Variants in PRKG1 observed in about 807,000 individuals in gnomAD.
PRKG1 encodes the protein cGMP-dependent protein kinase 1.
Under a neutral mutation model 88.1 loss-of-function variants are expected in PRKG1, and 35 were observed. That is an observed-to-expected ratio of 0.40 (90% CI 0.30 to 0.53). The LOEUF is 0.53. Among genes scored for constraint, PRKG1 ranks in the 20% least tolerant of loss-of-function variants. The pLI, the probability that PRKG1 is intolerant of heterozygous loss-of-function variation, is 0.59. For synonymous variants in PRKG1, 303 were observed against 292.5 expected (o/e 1.04, Z -0.37); for missense variants, 540 against 839.8 (o/e 0.64, Z 4.41).
chr10:51,539,367 A>G (rs1415666681), intron 3 of PRKG1, among the ~76,000 whole-genome samples: 2 of 152,214 alleles, frequency 1.3e-5, no homozygotes, highest in Admixed American at 1.3e-4. Context: ...CCATCTTAAC[A>G]AAAAGCAATT....
chr10:52,172,161 C>A (rs1309663000), intron 9 of PRKG1, among the ~76,000 whole-genome samples: 1 of 152,222 alleles, frequency 6.6e-6, no homozygotes, highest in African/African-American at 2.4e-5. Context: ...CAGCGCTTAT[C>A]TTTGAGACTC....
chr10:51,813,708 C>T (rs1446617745), intron 4 of PRKG1, among the ~76,000 whole-genome samples: 1 of 152,138 alleles, frequency 6.6e-6, no homozygotes, highest in East Asian at 1.9e-4. Context: ...AGTCCCTGCA[C>T]ATTGCTGTCC....
At chr10:51,286,782 C>CTTA (rs1840452176) in intron 2 of PRKG1, among the ~76,000 whole-genome samples, 2 of 152,174 alleles carry the variant, frequency 1.3e-5, no homozygotes, top group Admixed American at 1.3e-4. Flanking sequence ...AACACTAGAA[C>CTTA]TTATTCCTCC....
At chr10:51,670,066 G>A (rs181379439) in intron 3 of PRKG1, among the ~76,000 whole-genome samples, 46 of 152,212 alleles carry the variant, frequency 3.0e-4, no homozygotes, top group African/African-American at 1.0e-3. Flanking sequence ...ATGTGAATGA[G>A]TTTAAACTTG....
chr10:51,198,742 C>T (rs916452253), intron 2 of PRKG1, among the ~76,000 whole-genome samples: 14 of 152,114 alleles, frequency 9.2e-5, no homozygotes, highest in African/African-American at 3.1e-4. Flanking sequence ...AGCTATTTGA[C>T]AAGACTATCC....
chr10:52,151,641 A>T (rs2132668970), intron 8 of PRKG1, among the ~76,000 whole-genome samples: 2 of 152,314 alleles, frequency 1.3e-5, no homozygotes, highest in African/African-American at 4.8e-5. Context: ...ACTTAAAATA[A>T]TTGTCCAGCC....
At chr10:51,699,692 G>A in intron 3 of PRKG1, 1 of 872,606 alleles carries the variant, frequency 1.1e-6, no homozygotes, top group Non-Finnish European at 1.8e-6. Context: ...CCGCTTGCCT[G>A]TGGAACCTGC....
intron 4 of PRKG1, among the ~76,000 whole-genome samples, chr10:51,902,343 C>T (rs887777471): frequency 8.6e-5 from 13 of 151,888 alleles, no homozygotes; most frequent in South Asian, 4.1e-4. Context: ...CTTGAACTCC[C>T]GACCTCAGGT....
At chr10:52,175,496 T>G (rs1006655882) in intron 9 of PRKG1, among the ~76,000 whole-genome samples, 1 of 152,112 alleles carries the variant, frequency 6.6e-6, no homozygotes, top group East Asian at 1.9e-4. Flanking sequence ...TTCCTTTTCT[T>G]TGGTTAAATG....
intron 2 of PRKG1, among the ~76,000 whole-genome samples, chr10:51,289,353 A>G (rs1374873103): frequency 6.6e-6 from 1 of 152,264 alleles, no homozygotes; most frequent in South Asian, 2.1e-4. Context: ...TAAGGCTACT[A>G]TTGCTACTAG....
chr10:52,264,335 C>G (rs892285798), intron 10 of PRKG1, among the ~76,000 whole-genome samples: 1 of 152,044 alleles, frequency 6.6e-6, no homozygotes, highest in Admixed American at 6.6e-5. Flanking sequence ...CCCGGTTAAT[C>G]TAATAGGATA....
At chr10:51,940,953 A>G (rs1014461347) in intron 5 of PRKG1, among the ~76,000 whole-genome samples, 3 of 151,936 alleles carry the variant, frequency 2.0e-5, no homozygotes, top group South Asian at 4.1e-4. Context: ...GGGGAACACA[A>G]TCAAAGCTAG....
chr10:51,309,064 C>G (rs1841113449), intron 2 of PRKG1, among the ~76,000 whole-genome samples: 1 of 152,190 alleles, frequency 6.6e-6, no homozygotes. Context: ...CCTTCTCCCT[C>G]TCTTGCCTTC....
chr10:51,539,506 A>G (rs773199441), intron 3 of PRKG1, among the ~76,000 whole-genome samples: 1 of 152,192 alleles, frequency 6.6e-6, no homozygotes, highest in Non-Finnish European at 1.5e-5. Context: ...ACACTGATAC[A>G]TCTCTGGGAA....
At chr10:51,958,571 C>G (rs1282530178) in intron 5 of PRKG1, among the ~76,000 whole-genome samples, 3 of 122,056 alleles carry the variant, frequency 2.5e-5, no homozygotes, top group Admixed American at 8.6e-5. Context: ...TTCAGTTGGA[C>G]GTCTACAGAG....
At chr10:51,547,426 A>T (rs926886116) in intron 3 of PRKG1, among the ~76,000 whole-genome samples, 8 of 152,250 alleles carry the variant, frequency 5.3e-5, no homozygotes, top group Non-Finnish European at 1.2e-4. Flanking sequence ...GCAAATTTAT[A>T]TGTTTCAACC....
chr10:52,288,884 A>G (rs757672920), intron 15 of PRKG1, 36 bp downstream of exon 15: 10 of 1,595,552 alleles, frequency 6.3e-6, no homozygotes, highest in Middle Eastern at 3.4e-4. Context: ...TGAAAACATC[A>G]TAATGTGAAA....
chr10:51,507,397 G>A (rs1166869155), intron 3 of PRKG1, among the ~76,000 whole-genome samples: 1 of 151,312 alleles, frequency 6.6e-6, no homozygotes, highest in East Asian at 2.0e-4. Context: ...GGCTAAATGA[G>A]CTATCTGAAG....
At chr10:51,596,123 C>T (rs1024717910) in intron 3 of PRKG1, among the ~76,000 whole-genome samples, 14 of 152,184 alleles carry the variant, frequency 9.2e-5, no homozygotes, top group Admixed American at 3.3e-4. Flanking sequence ...GTCACCTCGC[C>T]TGGCCCTTAT....
Sources: gnomAD v4.1 joint callset for allele counts (sites outside exome capture counted in the v4.1 genomes callset) on GRCh38, gnomAD v4.1.1 for gene constraint, MANE v1.5 for transcripts, NCBI Gene and HGNC (gene_info 2026-07-23, HGNC 2026-07-21) for gene names.